The following MICAL2 variants were observed in gnomAD, a reference collection of about 807,000 sequenced individuals.
MICAL2 encodes the protein microtubule associated monooxygenase, calponin and LIM domain containing 2.
In MICAL2, 77 loss-of-function variants were observed where a neutral mutation model predicts 127.3. The ratio of observed to expected loss-of-function variants is 0.60; its 90% CI spans 0.50 to 0.73. MICAL2 has a LOEUF of 0.73. MICAL2 is among the 30% of genes least tolerant of loss of function. The pLI is 0.00. For missense variants in MICAL2, 1,351 were observed against 1,434.4 expected (o/e 0.94, Z 0.94); for synonymous variants, 570 against 551.1 (o/e 1.03, Z -0.48).
In MICAL2 at chr11:12,242,423, G is replaced by T. The variant is rs1378853853; in HGVS notation, c.2547G>T (p.Lys849Asn). The change falls in exon 19 of 28, where the codon AAG becomes AAT. Residue 849 changes from lysine to asparagine, a missense_variant. By Grantham distance (94) the Lys-to-Asn change is moderately conservative (BLOSUM62 0). Coordinates refer to ENST00000683283, the MANE Select transcript of MICAL2 (RefSeq NM_001282663.2). ...VLWRLQQVEE[K>N]ILQKRAQNLA... ...GGCGGCTGCAGCAAGTGGAGGAAAA[G>T]ATTCTCCAGGTGAGAGACTCACTTT... The T allele has an allele frequency of 6.2e-7, 1 of 1,605,162 alleles. No individual in the cohort carries two copies. The highest frequency in any genetic ancestry group is 2.2e-5 in the East Asian group (1 of 44,714).
chr11:12,129,722 A>G (rs1851259480), intron 1 of MICAL2, among the ~76,000 whole-genome samples: 1 of 117,174 alleles, frequency 8.5e-6, no homozygotes, highest in African/African-American at 3.3e-5. Context: ...TCATTTATTT[A>G]TATGAGACAG....
chr11:12,307,008 A>T (rs76186896), intron 29 of MICAL2, among the ~76,000 whole-genome samples: 5,118 of 152,300 alleles, frequency 0.034, 168 homozygotes, highest in Admixed American at 0.1. Flanking sequence ...TGGCAAGTGC[A>T]TGTTGAGTTT....
chr11:12,215,768 G>T (rs1856067625), intron 7 of MICAL2, among the ~76,000 whole-genome samples: 1 of 152,220 alleles, frequency 6.6e-6, no homozygotes, highest in South Asian at 2.1e-4. Flanking sequence ...CCGGGAAACA[G>T]TAGAAATATT....
At chr11:12,342,909 G>T (rs1938890170) in intron 32 of MICAL2, among the ~76,000 whole-genome samples, 1 of 152,182 alleles carries the variant, frequency 6.6e-6, no homozygotes, top group African/African-American at 2.4e-5. Flanking sequence ...CCCACAGGAA[G>T]GAATCTTACC....
intron 32 of MICAL2, among the ~76,000 whole-genome samples, chr11:12,341,100 G>T (rs983887556): frequency 6.6e-5 from 10 of 152,140 alleles, no homozygotes; most frequent in African/African-American, 2.4e-4. Context: ...AATGAAACAG[G>T]TCTGTGCATG....
At chr11:12,337,322 C>T (rs1442362514) in intron 32 of MICAL2, among the ~76,000 whole-genome samples, 2 of 152,046 alleles carry the variant, frequency 1.3e-5, no homozygotes, top group African/African-American at 2.4e-5. Flanking sequence ...TTTTTTATTG[C>T]GTCCATTTGA....
chr11:12,129,392 A>C (rs1851214219), intron 1 of MICAL2, among the ~76,000 whole-genome samples: 1 of 152,190 alleles, frequency 6.6e-6, no homozygotes. Context: ...TCCCCATTGA[A>C]CAGGTCAGGA....
At chr11:12,234,302 C>CG in intron 15 of MICAL2, among the ~76,000 whole-genome samples, 1 of 136,400 alleles carries the variant, frequency 7.3e-6, no homozygotes, top group East Asian at 2.0e-4. Context: ...AGGTAGAAAC[C>CG]AAAAAAAAAA....
chr11:12,304,397 G>A (rs2134810585), intron 29 of MICAL2, among the ~76,000 whole-genome samples: 1 of 152,268 alleles, frequency 6.6e-6, no homozygotes, highest in Non-Finnish European at 1.5e-5. Context: ...TTGGGAGGCT[G>A]AGGCGGGCAG....
At chr11:12,237,834 G>A (rs546565497) in intron 16 of MICAL2, among the ~76,000 whole-genome samples, 2 of 152,348 alleles carry the variant, frequency 1.3e-5, no homozygotes, top group East Asian at 1.9e-4. Flanking sequence ...ATCTGCTTTT[G>A]AGGATTGATT....
chr11:12,134,670 T>A (rs1027890681), intron 1 of MICAL2, among the ~76,000 whole-genome samples: 2 of 152,134 alleles, frequency 1.3e-5, no homozygotes, highest in Non-Finnish European at 2.9e-5. Flanking sequence ...TTTTTTGGTT[T>A]CAAGGCACAG....
chr11:12,190,001 C>G (rs1458297406), intron 3 of MICAL2, among the ~76,000 whole-genome samples: 2 of 152,220 alleles, frequency 1.3e-5, no homozygotes, highest in East Asian at 1.9e-4. Flanking sequence ...TGTCTAGACA[C>G]TTTGGTCTGT....
At chr11:12,302,851 C>A (rs1232406348) in intron 29 of MICAL2, among the ~76,000 whole-genome samples, 1 of 152,058 alleles carries the variant, frequency 6.6e-6, no homozygotes, top group African/African-American at 2.4e-5. Flanking sequence ...TTTAATAAAG[C>A]CAAATTTATC....
chr11:12,199,495 G>C (rs2134087714), intron 3 of MICAL2, among the ~76,000 whole-genome samples: 1 of 152,282 alleles, frequency 6.6e-6, no homozygotes, highest in Admixed American at 6.5e-5. Context: ...CCTGCAGACT[G>C]CTAACCCCTG....
rs1590736087 is a variant in MICAL2 at position 12,319,948 on chromosome 11, C to G, written c.5328+137C>G. 11 of 614,264 alleles carry G rather than the reference C, an allele frequency of 1.8e-5. No individual in the cohort carries two copies. The East Asian group carries it at 2.8e-4, about 16-fold the overall frequency. The allele number at this position is 614,264 out of a possible 1,614,324, so 38.1% of individuals were successfully genotyped here. ...GTTTCATTGCATCTGACAGAGTGCT[C>G]TCTTTACCTTGAACACCCAAAGAAT... is the stretch of plus-strand genomic sequence containing the variant. On this transcript the variant is annotated intron_variant, in intron 30 of 34. Transcript: ENST00000646065.
chr11:12,306,060 T>G (rs1864105965), intron 29 of MICAL2, among the ~76,000 whole-genome samples: 1 of 152,196 alleles, frequency 6.6e-6, no homozygotes, highest in Admixed American at 6.5e-5. Context: ...GATAGTCATT[T>G]TTCTTGCTTA....
At chr11:12,353,939 T>C (rs1490532202) in intron 33 of MICAL2, among the ~76,000 whole-genome samples, 1 of 152,216 alleles carries the variant, frequency 6.6e-6, no homozygotes, top group Non-Finnish European at 1.5e-5. Flanking sequence ...CTAAGTCAAG[T>C]TACTCCTAAA....
At chr11:12,322,987 T>C (rs554510793) in intron 30 of MICAL2, among the ~76,000 whole-genome samples, 1 of 152,208 alleles carries the variant, frequency 6.6e-6, no homozygotes, top group Non-Finnish European at 1.5e-5. Flanking sequence ...CAGAATGTTG[T>C]GTGACATTCT....
intron 24 of MICAL2, among the ~76,000 whole-genome samples, chr11:12,258,050 AT>A (rs1025685661): frequency 2.6e-5 from 4 of 152,106 alleles, no homozygotes; most frequent in African/African-American, 7.2e-5. Context: ...CCTCAGTTTG[AT>A]TTGGGGATTT....
Sources: allele counts gnomAD v4.1 joint callset (sites outside exome capture counted in the v4.1 genomes callset), GRCh38; gene constraint gnomAD v4.1.1; transcripts MANE v1.5; gene names NCBI Gene and HGNC (gene_info 2026-07-23, HGNC 2026-07-21).